Variants in SYT9 observed in about 807,000 individuals in gnomAD.
The protein encoded by SYT9 is synaptotagmin 9.
In SYT9, 22 loss-of-function variants were observed where a neutral mutation model predicts 48.4. The observed-to-expected ratio is 0.45, with a 90% CI of 0.32 to 0.65. The LOEUF is 0.65. Ranked by LOEUF, SYT9 falls within the 30% of genes least tolerant of loss-of-function variation. SYT9 has a pLI of 0.03. For synonymous variants in SYT9, 265 were observed against 245.0 expected (o/e 1.08, Z -0.76); for missense variants, 577 against 622.0 (o/e 0.93, Z 0.77).
rs763423511 is a variant in SYT9, at chr11:7,313,727, A to G, written c.830A>G (p.His277Arg). The change falls in exon 3 of 7, where the codon CAC (histidine) becomes CGC (arginine). Residue 277 changes from histidine to arginine, a missense_variant. By Grantham distance (29) the His-to-Arg change is conservative (BLOSUM62 0). Transcript: ENST00000318881. ...AAAACAAAACACCAGACTAAAGTTC[A>G]CAGAAAGACCCTGAACCCTGTGTTT... is the stretch of plus-strand genomic sequence containing the variant. ...DRKTKHQTKV[H>R]RKTLNPVFDE... 5.6e-6 allele frequency: 9 copies of G among 1,614,082 alleles called. No homozygotes were observed. The East Asian group carries it at 1.3e-4, about 24-fold the overall frequency.
chr11:7,450,450 A>G (rs1354576175), intron 6 of SYT9: 2 of 152,236 alleles, frequency 1.3e-5, no homozygotes, highest in Non-Finnish European at 2.9e-5. Flanking sequence ...GTCCTGGAAC[A>G]AGAAGACGCA....
intron 2 of SYT9, among the ~76,000 whole-genome samples, chr11:7,308,451 G>A (rs1466398925): frequency 6.6e-6 from 1 of 152,170 alleles, no homozygotes; most frequent in Non-Finnish European, 1.5e-5. Flanking sequence ...TACAGAGCCT[G>A]GACTCAGAGA....
chr11:7,322,490 C>T (rs1464223041), intron 3 of SYT9, among the ~76,000 whole-genome samples: 1 of 152,122 alleles, frequency 6.6e-6, no homozygotes, highest in Non-Finnish European at 1.5e-5. Context: ...TCATTTTTCC[C>T]ACTTGTGATC....
Position 7,468,131 on chromosome 11 carries a change from T to C in SYT9, c.*1331T>C, listed in dbSNP as rs1848363625. 2.5e-6 allele frequency: 1 copy of C among 396,508 alleles called. No homozygotes were observed. The highest frequency in any genetic ancestry group is 4.4e-6 in the Non-Finnish European group (1 of 225,008). 24.6% of individuals were successfully genotyped at this position (396,508 alleles called of 1,614,324 possible). On this transcript the variant is annotated 3_prime_UTR_variant, in exon 7 of 7. Coordinates refer to ENST00000318881, the MANE Select transcript of SYT9 (RefSeq NM_175733.4). ...TTTGCACCACTACTCCAAGATAGTATTTTTCTTTTCACACAATCTCTTTAC... is the reference window on the plus strand; with the variant it reads ...TTTGCACCACTACTCCAAGATAGTACTTTTCTTTTCACACAATCTCTTTAC...
chr11:7,251,926 C>A lies in SYT9; in HGVS notation c.-261C>A. 2.6e-6 allele frequency: 1 copy of A among 392,138 alleles called. No homozygotes were observed. The highest frequency in any genetic ancestry group is 4.1e-5 in the East Asian group (1 of 24,462). The allele number at this position is 392,138 out of a possible 1,614,324, so 24.3% of individuals were successfully genotyped here. On this transcript the variant is annotated 5_prime_UTR_variant, in exon 1 of 7. Coordinates refer to ENST00000318881, the MANE Select transcript of SYT9 (RefSeq NM_175733.4). ...GGCGCTCTGGGCTGTGCGGCACCGC[C>A]TCTCCTCGGTGTCTGGGGAGGGACG... is the stretch of plus-strand genomic sequence containing the variant.
chr11:7,318,856 T>C (rs1318668446), intron 3 of SYT9, among the ~76,000 whole-genome samples: 1 of 152,246 alleles, frequency 6.6e-6, no homozygotes, highest in Admixed American at 6.5e-5. Context: ...TTTACACTGC[T>C]GAGTTCAGTT....
intron 3 of SYT9, among the ~76,000 whole-genome samples, chr11:7,319,687 A>T: frequency 6.6e-6 from 1 of 152,280 alleles, no homozygotes; most frequent in South Asian, 2.1e-4. Flanking sequence ...CAAGTCTAAG[A>T]CAGGCATGAT....
intron 1 of SYT9, among the ~76,000 whole-genome samples, chr11:7,300,853 T>A (rs1848907122): frequency 6.6e-6 from 1 of 152,108 alleles, no homozygotes; most frequent in South Asian, 2.1e-4. Context: ...CAGAACCAGG[T>A]GGACTCCGGG....
chr11:7,289,092 T>C (rs1848652217), intron 1 of SYT9, among the ~76,000 whole-genome samples: 1 of 152,172 alleles, frequency 6.6e-6, no homozygotes, highest in Admixed American at 6.5e-5. Flanking sequence ...AAACACCTAT[T>C]TGTAGCCCTC....
At chr11:7,240,204 G>A (rs186221791) in intron 1 of SYT9, among the ~76,000 whole-genome samples, 4 of 152,198 alleles carry the variant, frequency 2.6e-5, no homozygotes, top group Admixed American at 2.6e-4. Flanking sequence ...CTGTTGTCCA[G>A]CCTCCCGAGT....
intron 1 of SYT9, among the ~76,000 whole-genome samples, chr11:7,271,650 C>T (rs571428025): frequency 2.0e-5 from 3 of 152,168 alleles, no homozygotes; most frequent in African/African-American, 7.2e-5. Context: ...TATCTCCGCT[C>T]ACTGCAAGCT....
chr11:7,274,317 CTTTTTTTTT>C (rs576480483), intron 1 of SYT9, among the ~76,000 whole-genome samples: 2 of 125,074 alleles, frequency 1.6e-5, no homozygotes, highest in Non-Finnish European at 3.3e-5. Flanking sequence ...TGAAGTTCAT[CTTTTTTTTT>C]TTTTTTTTTT....
At chr11:7,375,871 G>C (rs1023494576) in intron 3 of SYT9, among the ~76,000 whole-genome samples, 1 of 151,916 alleles carries the variant, frequency 6.6e-6, no homozygotes, top group Admixed American at 6.6e-5. Flanking sequence ...TGTTGCTCAG[G>C]GTTGTTTTCC....
chr11:7,329,860 C>A (rs74053714), intron 3 of SYT9, among the ~76,000 whole-genome samples: 1 of 152,186 alleles, frequency 6.6e-6, no homozygotes, highest in African/African-American at 2.4e-5. Context: ...ACTGGGTCCA[C>A]AAAAGGGAGG....
intron 6 of SYT9, among the ~76,000 whole-genome samples, chr11:7,462,592 C>A (rs1564912249): frequency 6.6e-6 from 1 of 152,114 alleles, no homozygotes. Flanking sequence ...CAACAGTCAA[C>A]AAAATCAGAT....
chr11:7,376,633 G>A (rs192467028), intron 3 of SYT9, among the ~76,000 whole-genome samples: 2 of 152,058 alleles, frequency 1.3e-5, no homozygotes, highest in African/African-American at 4.8e-5. Context: ...TGGATTCCCT[G>A]TAGCAGTTGG....
intron 3 of SYT9, among the ~76,000 whole-genome samples, chr11:7,362,895 A>T (rs1239388960): frequency 1.6e-5 from 2 of 126,352 alleles, no homozygotes; most frequent in African/African-American, 5.9e-5. Context: ...TTTGCTTTCT[A>T]GTTAATATGT....
intron 2 of SYT9, among the ~76,000 whole-genome samples, chr11:7,312,965 T>C (rs1353476559): frequency 6.6e-6 from 1 of 152,232 alleles, no homozygotes; most frequent in Non-Finnish European, 1.5e-5. Context: ...TTCTGTGTAA[T>C]TTAGAGAAAG....
intron 1 of SYT9, among the ~76,000 whole-genome samples, chr11:7,299,862 A>T (rs560115616): frequency 2.0e-5 from 3 of 152,246 alleles, no homozygotes; most frequent in Non-Finnish European, 4.4e-5. Flanking sequence ...TATGGTTACT[A>T]GTTAAAGTGA....
Sources: gnomAD v4.1 joint callset for allele counts (sites outside exome capture counted in the v4.1 genomes callset) on GRCh38, gnomAD v4.1.1 for gene constraint, MANE v1.5 for transcripts, NCBI Gene and HGNC (gene_info 2026-07-23, HGNC 2026-07-21) for gene names.